Variants in POU2F3 observed in about 807,000 individuals in gnomAD.
POU2F3 encodes the protein POU domain, class 2, transcription factor 3.
In POU2F3, 23 loss-of-function variants were observed where a neutral mutation model predicts 59.2. That is an observed-to-expected ratio of 0.39 (90% CI 0.28 to 0.55). The LOEUF (loss-of-function observed/expected upper bound fraction) is 0.55, where lower values mean the gene tolerates loss of function less well. POU2F3 is among the 20% of genes least tolerant of loss of function. POU2F3 has a pLI of 0.66. For missense variants in POU2F3, 473 were observed against 544.5 expected (o/e 0.87, Z 1.31); for synonymous variants, 190 against 214.6 (o/e 0.89, Z 1.00).
intron 2 of POU2F3, chr11:120,259,054 G>T (rs117379269): frequency 6.6e-6 from 1 of 152,278 alleles, no homozygotes; most frequent in Non-Finnish European, 1.5e-5. Context: ...TGTAGCAAAG[G>T]TGGGTGCAGC....
chr11:120,307,466 C>T lies in POU2F3; in HGVS notation c.770-13C>T, dbSNP rs369617387. 6.4e-5 allele frequency: 104 copies of T among 1,613,442 alleles called. No homozygotes were observed. The highest frequency in any genetic ancestry group is 6.7e-5 in the Admixed American group (4 of 59,938). On this transcript the variant is annotated splice_polypyrimidine_tract_variant and intron_variant, in intron 8 of 12. Coordinates refer to ENST00000543440, the MANE Select transcript of POU2F3 (RefSeq NM_014352.4). The stretch of plus-strand genomic sequence containing the variant: ...CTTCTCTGAGCTTCCTCTGGTCCTT[C>T]GTGTCCCTGCAGAGTCCTCTCCGTC...
At chr11:120,242,662 A>G (rs1313427115) in intron 1 of POU2F3, among the ~76,000 whole-genome samples, 1 of 152,140 alleles carries the variant, frequency 6.6e-6, no homozygotes, top group Non-Finnish European at 1.5e-5. Flanking sequence ...GCCCACTCCA[A>G]GGGCTCCACT....
chr11:120,266,429 G>C (rs1939828867), intron 2 of POU2F3, among the ~76,000 whole-genome samples: 1 of 152,064 alleles, frequency 6.6e-6, no homozygotes, highest in Non-Finnish European at 1.5e-5. Context: ...GCTTAAGTCA[G>C]ATCATGTTAC....
intron 3 of POU2F3, among the ~76,000 whole-genome samples, chr11:120,296,924 T>C (rs1277289114): frequency 6.6e-6 from 1 of 152,176 alleles, no homozygotes. Flanking sequence ...CAAAGCACCA[T>C]TTTTTTCCGC....
At chr11:120,297,605 T>C (rs948532474) in intron 3 of POU2F3, among the ~76,000 whole-genome samples, 1 of 152,090 alleles carries the variant, frequency 6.6e-6, no homozygotes, top group Non-Finnish European at 1.5e-5. Flanking sequence ...TTGAGGAAAA[T>C]AAAACACAGA....
At chr11:120,247,292 A>G (rs983069606) in intron 2 of POU2F3, among the ~76,000 whole-genome samples, 1 of 152,206 alleles carries the variant, frequency 6.6e-6, no homozygotes, top group Non-Finnish European at 1.5e-5. Flanking sequence ...CATCTGGATC[A>G]TTAGAGACAT....
intron 10 of POU2F3, among the ~76,000 whole-genome samples, chr11:120,314,368 C>T (rs1316034694): frequency 1.3e-5 from 2 of 152,162 alleles, no homozygotes; most frequent in East Asian, 3.9e-4. Context: ...AGTGAAAATA[C>T]ACAGATTTTA....
chr11:120,294,307 G>T (rs1429890873), intron 3 of POU2F3, among the ~76,000 whole-genome samples: 1 of 152,226 alleles, frequency 6.6e-6, no homozygotes, highest in East Asian at 1.9e-4. Context: ...AGTGGCTGTG[G>T]CAGGGCAGAG....
chr11:120,315,093 C>A (rs1941748623), intron 10 of POU2F3, among the ~76,000 whole-genome samples: 1 of 152,216 alleles, frequency 6.6e-6, no homozygotes. Flanking sequence ...GTCAAAGAAA[C>A]CTTATCAGGC....
chr11:120,254,039 C>T (rs889579786), intron 2 of POU2F3: 2 of 152,260 alleles, frequency 1.3e-5, no homozygotes, highest in Admixed American at 1.3e-4. Context: ...CTTTCTGAGC[C>T]TCAGCCCTTC....
At chr11:120,290,099 G>A (rs915953213) in intron 3 of POU2F3, among the ~76,000 whole-genome samples, 3 of 152,156 alleles carry the variant, frequency 2.0e-5, no homozygotes, top group South Asian at 4.1e-4. Context: ...AACAGACCTC[G>A]GGCTGCCTCA....
chr11:120,288,138 A>C (rs1244766166), intron 3 of POU2F3, among the ~76,000 whole-genome samples: 2 of 148,898 alleles, frequency 1.3e-5, no homozygotes, highest in East Asian at 1.9e-4. Context: ...CAAAAAAAAA[A>C]AAAAAAAAAA....
At chr11:120,287,142 G>T (rs563892888) in intron 3 of POU2F3, among the ~76,000 whole-genome samples, 1 of 152,128 alleles carries the variant, frequency 6.6e-6, no homozygotes, top group Non-Finnish European at 1.5e-5. Context: ...TAAAGGAAAC[G>T]AACCTAGTTT....
intron 5 of POU2F3, 59 bp from the exon 6 acceptor site, chr11:120,302,227 G>A (rs1941367516): frequency 6.9e-7 from 1 of 1,443,748 alleles, no homozygotes; most frequent in Non-Finnish European, 9.7e-7. Flanking sequence ...TGTAGCACAT[G>A]TGTTTCAAAT....
chr11:120,268,787 A>G (rs1786014378), intron 2 of POU2F3, among the ~76,000 whole-genome samples: 1 of 152,224 alleles, frequency 6.6e-6, no homozygotes, highest in Non-Finnish European at 1.5e-5. Context: ...GGCTAGTAGC[A>G]TGACTTCTGT....
chr11:120,308,799 G>A (rs146193190), intron 9 of POU2F3, among the ~76,000 whole-genome samples: 21 of 151,804 alleles, frequency 1.4e-4, no homozygotes, highest in East Asian at 9.7e-4. Flanking sequence ...TTAGCTGGGC[G>A]TGGTGATGTA....
At chr11:120,244,644 T>A (rs1035283096) in intron 1 of POU2F3, among the ~76,000 whole-genome samples, 3 of 152,152 alleles carry the variant, frequency 2.0e-5, no homozygotes, top group Non-Finnish European at 4.4e-5. Flanking sequence ...TTTCCAGCAG[T>A]CTCTGACTCA....
At chr11:120,286,946 G>A (rs1940804954) in intron 3 of POU2F3, among the ~76,000 whole-genome samples, 3 of 152,026 alleles carry the variant, frequency 2.0e-5, no homozygotes, top group Admixed American at 2.0e-4. Context: ...TAGCCACAGT[G>A]GACCACAAGC....
Position 120,316,922 on chromosome 11 carries a change from A to T in POU2F3, c.1136-307A>T, listed in dbSNP as rs541943418. Among the ~76,000 whole-genome samples, 1,110 of 152,084 alleles carry T rather than the reference A, an allele frequency of 7.3e-3. 13 individuals carry two copies. The highest frequency in any genetic ancestry group is 0.025 in the African/African-American group (1,055 of 41,470). ...GTCTGGGGCTGCATGTGCCCAGCCT[A>T]GGGTGTGTCCTAGAGTAGGATGATT... On this transcript the variant is annotated intron_variant, in intron 11 of 12. Coordinates refer to ENST00000543440, the MANE Select transcript of POU2F3 (RefSeq NM_014352.4).
Sources: allele counts gnomAD v4.1 joint callset (sites outside exome capture counted in the v4.1 genomes callset), GRCh38; gene constraint gnomAD v4.1.1; transcripts MANE v1.5; gene names NCBI Gene and HGNC (gene_info 2026-07-23, HGNC 2026-07-21).